CCDC192: variants seen among roughly 807,000 people sequenced by gnomAD.
CCDC192 encodes coiled-coil domain-containing protein 192.
At chr5:127,708,343 G>T (rs1225551425) in intron 2 of CCDC192, among the ~76,000 whole-genome samples, 1 of 152,120 alleles carries the variant, frequency 6.6e-6, no homozygotes, top group African/African-American at 2.4e-5. Flanking sequence ...TGAAAGTGTG[G>T]GTTGCTAAGA....
intron 3 of CCDC192, chr5:127,784,691 A>G: frequency 1.5e-6 from 1 of 676,816 alleles, no homozygotes; most frequent in Admixed American, 1.9e-5. Flanking sequence ...ATGTCAATGC[A>G]TTTCTTGATC....
At chr5:127,774,370 G>T (rs765433288) in intron 3 of CCDC192, among the ~76,000 whole-genome samples, 28 of 152,112 alleles carry the variant, frequency 1.8e-4, no homozygotes, top group Non-Finnish European at 3.8e-4. Flanking sequence ...TCTGTTAACA[G>T]ATTTACAGTT....
At chr5:127,793,957 G>A (rs1328185413) in intron 3 of CCDC192, among the ~76,000 whole-genome samples, 2 of 152,166 alleles carry the variant, frequency 1.3e-5, no homozygotes, top group African/African-American at 4.8e-5. Flanking sequence ...GGTTAATAAA[G>A]CACTTTAATA....
At chr5:127,845,289 C>T (rs1338699167) in intron 5 of CCDC192, among the ~76,000 whole-genome samples, 3 of 152,046 alleles carry the variant, frequency 2.0e-5, no homozygotes, top group South Asian at 2.1e-4. Context: ...GAGAGTGGGC[C>T]GCCCTTTCAA....
At position 127,703,400 on chromosome 5, in the gene CCDC192, T is replaced by A. The variant is rs543155629; in HGVS notation, c.-46T>A. 11 of 399,006 alleles carry A rather than the reference T, an allele frequency of 2.8e-5. No individual in the cohort carries two copies. Among genetic ancestry groups the A allele is most frequent in the Non-Finnish European group, 4.9e-5 (11 of 226,050 alleles). The allele number at this position is 399,006 out of a possible 1,614,324, so 24.7% of individuals were successfully genotyped here. A position where few individuals can be genotyped will look rare whatever the true frequency, so the allele number is the denominator to read the frequency against. On this transcript the variant is annotated 5_prime_UTR_variant, in exon 1 of 7. Transcript: ENST00000514853. Reference sequence around the variant, plus strand: ...TAAAACTCTAAAGAATGATGCCTGTTGACGTCTGTCCCAGGGACAGGGGAT... The same window carrying A: ...TAAAACTCTAAAGAATGATGCCTGTAGACGTCTGTCCCAGGGACAGGGGAT...
At chr5:127,770,537 G>A (rs1347494854) in intron 3 of CCDC192, among the ~76,000 whole-genome samples, 2 of 152,202 alleles carry the variant, frequency 1.3e-5, no homozygotes, top group African/African-American at 4.8e-5. Flanking sequence ...AATAGAATTT[G>A]TGATGGCTGG....
At chr5:127,720,737 C>T (rs868086495) in intron 2 of CCDC192, among the ~76,000 whole-genome samples, 4 of 152,224 alleles carry the variant, frequency 2.6e-5, no homozygotes, top group Admixed American at 6.5e-5. Flanking sequence ...GGCAGAGGCT[C>T]CTAAGCCTCA....
chr5:127,872,007 G>A (rs761307315), intron 5 of CCDC192, among the ~76,000 whole-genome samples: 9 of 152,172 alleles, frequency 5.9e-5, no homozygotes, highest in African/African-American at 2.2e-4. Context: ...GCTAGTGAAC[G>A]CCAAACAGCA....
chr5:127,733,958 G>A (rs2126822342), intron 2 of CCDC192, among the ~76,000 whole-genome samples: 1 of 149,510 alleles, frequency 6.7e-6, no homozygotes, highest in Admixed American at 6.7e-5. Flanking sequence ...TAAGTTTTAG[G>A]GTACATGTGC....
intron 2 of CCDC192, among the ~76,000 whole-genome samples, chr5:127,751,178 G>A (rs1173910769): frequency 6.6e-6 from 1 of 150,408 alleles, no homozygotes; most frequent in Admixed American, 6.6e-5. Context: ...TGGTTATTTT[G>A]CTCGTTAGTT....
intron 5 of CCDC192, among the ~76,000 whole-genome samples, chr5:127,800,106 A>C (rs1351381422): frequency 6.6e-6 from 1 of 151,980 alleles, no homozygotes; most frequent in Non-Finnish European, 1.5e-5. Context: ...CTGTCTCTCC[A>C]AATTATATTC....
At chr5:127,795,698 A>AGAG (rs1757129414) in intron 3 of CCDC192, among the ~76,000 whole-genome samples, 1 of 152,084 alleles carries the variant, frequency 6.6e-6, no homozygotes, top group Non-Finnish European at 1.5e-5. Context: ...CTCCTGCCTC[A>AGAG]GCCTCCCTAG....
chr5:127,894,868 T>C (rs978651094), intron 6 of CCDC192, among the ~76,000 whole-genome samples: 5 of 152,250 alleles, frequency 3.3e-5, no homozygotes, highest in Non-Finnish European at 7.3e-5. Context: ...CCATGCTATA[T>C]GTTAGATACT....
chr5:127,799,472 G>T (rs1190435989), intron 5 of CCDC192, among the ~76,000 whole-genome samples: 1 of 152,050 alleles, frequency 6.6e-6, no homozygotes, highest in Admixed American at 6.6e-5. Flanking sequence ...CCTTTCCCCT[G>T]GTCTCCCCCT....
intron 2 of CCDC192, among the ~76,000 whole-genome samples, chr5:127,714,561 G>A (rs1274362744): frequency 6.6e-6 from 1 of 152,014 alleles, no homozygotes; most frequent in Admixed American, 6.6e-5. Flanking sequence ...CATAACTTTT[G>A]TACTTTTTTT....
chr5:127,911,103 A>G (rs530309891), intron 6 of CCDC192, among the ~76,000 whole-genome samples: 6 of 152,374 alleles, frequency 3.9e-5, no homozygotes, highest in East Asian at 1.9e-4. Context: ...GGTCAGTCCA[A>G]TTATCAAATC....
intron 1 of CCDC192, among the ~76,000 whole-genome samples, 151 bp from the exon 2 acceptor site, chr5:127,707,558 T>C (rs1367407476): frequency 1.3e-5 from 2 of 152,186 alleles, no homozygotes; most frequent in African/African-American, 2.4e-5. Flanking sequence ...CTTAGAAATG[T>C]CCAGAAATTG....
At chr5:127,786,452 C>A in intron 3 of CCDC192, 1 of 627,848 alleles carries the variant, frequency 1.6e-6, no homozygotes, top group South Asian at 1.8e-5. Context: ...CAACTCCACT[C>A]ACAGTTTTGT....
chr5:127,815,637 G>C (rs1054709575), intron 5 of CCDC192, among the ~76,000 whole-genome samples: 4 of 152,142 alleles, frequency 2.6e-5, no homozygotes, highest in African/African-American at 9.7e-5. Context: ...GGGAGGCTGA[G>C]ACGGGTGGGT....
Sources: gnomAD v4.1 joint callset for allele counts (sites outside exome capture counted in the v4.1 genomes callset) on GRCh38, gnomAD v4.1.1 for gene constraint, MANE v1.5 for transcripts, NCBI Gene and HGNC (gene_info 2026-07-23, HGNC 2026-07-21) for gene names.